PRR23E: variants seen among roughly 807,000 people sequenced by gnomAD.
PRR23E encodes proline-rich protein 23E.
the PRR23E span, among the ~76,000 whole-genome samples, chr3:127,195,176 C>A: frequency 6.6e-6 from 1 of 152,208 alleles, no homozygotes; most frequent in Non-Finnish European, 1.5e-5. Context: ...TCAGCCCACA[C>A]ACACCTAACT....
chr3:127,196,507 A>G, the PRR23E span: 1 of 927,782 alleles, frequency 1.1e-6, no homozygotes, highest in Non-Finnish European at 1.5e-6. Flanking sequence ...CTGTCACCTC[A>G]CCCCCAGCTG....
At chr3:127,193,702 T>A in the PRR23E span, among the ~76,000 whole-genome samples, 1 of 152,186 alleles carries the variant, frequency 6.6e-6, no homozygotes, top group African/African-American at 2.4e-5. Flanking sequence ...GGAAATCGGG[T>A]TTTGAATTTG....
chr3:127,197,205 T>C, the PRR23E span: 1 of 1,596,646 alleles, frequency 6.3e-7, no homozygotes, highest in African/African-American at 1.3e-5. Context: ...AGAGGGGCCA[T>C]CCAGAGGAGC....
chr3:127,196,061 C>A, the PRR23E span, among the ~76,000 whole-genome samples: 1 of 152,162 alleles, frequency 6.6e-6, no homozygotes, highest in Non-Finnish European at 1.5e-5. Context: ...CCAGGAGAAA[C>A]CTGACAGGCC....
the PRR23E span, chr3:127,197,527 C>T: frequency 1.1e-6 from 1 of 924,030 alleles, no homozygotes; most frequent in Non-Finnish European, 1.6e-6. Context: ...GTTTACTATT[C>T]TTCAGTACAG....
chr3:127,197,559 C>T, the PRR23E span: 1 of 523,852 alleles, frequency 1.9e-6, no homozygotes, highest in African/African-American at 2.0e-5. Flanking sequence ...TGGACTCATG[C>T]AAGGCCCCTC....
the PRR23E span, among the ~76,000 whole-genome samples, chr3:127,195,846 T>C: frequency 6.6e-6 from 1 of 152,224 alleles, no homozygotes; most frequent in Non-Finnish European, 1.5e-5. Context: ...GCATCAGTTC[T>C]TATTTCAGAA....
the PRR23E span, chr3:127,197,028 A>G: frequency 2.5e-6 from 4 of 1,596,136 alleles, no homozygotes; most frequent in South Asian, 2.2e-5. Context: ...TGACCCCCTC[A>G]TAGGAAGTCC....
chr3:127,197,558 G>A, the PRR23E span: 1 of 531,928 alleles, frequency 1.9e-6, no homozygotes, highest in African/African-American at 2.0e-5. Context: ...CTGGACTCAT[G>A]CAAGGCCCCT....
At chr3:127,197,388 GC>G in the PRR23E span, 2 of 1,549,182 alleles carry the variant, frequency 1.3e-6, no homozygotes, top group Non-Finnish European at 8.7e-7. Flanking sequence ...ACCCTGCAGG[GC>G]CCGCCGCCGC....
the PRR23E span, among the ~76,000 whole-genome samples, chr3:127,195,609 T>A: frequency 6.6e-6 from 1 of 152,174 alleles, no homozygotes; most frequent in African/African-American, 2.4e-5. Flanking sequence ...TAGCGTCCTC[T>A]TGTTCACCTG....
chr3:127,196,587 A>C, the PRR23E span: 4 of 1,435,498 alleles, frequency 2.8e-6, no homozygotes, highest in Admixed American at 2.6e-5. Context: ...TGCTCACCCC[A>C]CAGATACCAG....
the PRR23E span, chr3:127,196,662 T>G: frequency 6.4e-7 from 1 of 1,564,164 alleles, no homozygotes. Flanking sequence ...ACTTCGGGGC[T>G]TTGAAGAGCA....
At chr3:127,195,993 G>A in the PRR23E span, among the ~76,000 whole-genome samples, 12 of 152,262 alleles carry the variant, frequency 7.9e-5, 2 homozygotes, top group East Asian at 1.9e-4. Flanking sequence ...TTTCCATCAT[G>A]TCCTCACTGT....
the PRR23E span, chr3:127,196,702 C>T: frequency 3.8e-6 from 6 of 1,591,028 alleles, no homozygotes; most frequent in Non-Finnish European, 5.1e-6. Context: ...ACAGGTGCAT[C>T]AGAGAAACAA....
the PRR23E span, chr3:127,197,208 A>G: frequency 6.3e-7 from 1 of 1,596,976 alleles, no homozygotes; most frequent in South Asian, 1.1e-5. Context: ...GGGGCCATCC[A>G]GAGGAGCTCC....
At chr3:127,197,034 A>T in the PRR23E span, 1 of 1,595,242 alleles carries the variant, frequency 6.3e-7, no homozygotes. Flanking sequence ...CCTCATAGGA[A>T]GTCCGTATCT....
chr3:127,197,145 C>T, the PRR23E span: 3 of 1,594,788 alleles, frequency 1.9e-6, no homozygotes, highest in Non-Finnish European at 2.5e-6. Context: ...CAGCCACTGT[C>T]CCCAGGTGGG....
At chr3:127,196,794 A>T in the PRR23E span, 1 of 1,597,952 alleles carries the variant, frequency 6.3e-7, no homozygotes, top group African/African-American at 1.3e-5. Context: ...CTGGGTGGCC[A>T]TGGGCTCTGC....
Sources: allele counts gnomAD v4.1 joint callset (sites outside exome capture counted in the v4.1 genomes callset), GRCh38; gene constraint gnomAD v4.1.1; transcripts MANE v1.5; gene names NCBI Gene and HGNC (gene_info 2026-07-23, HGNC 2026-07-21).